Variants in ZFPM2 observed in about 807,000 individuals in gnomAD.
ZFPM2 encodes the protein zinc finger protein ZFPM2.
Under a neutral mutation model 98.6 loss-of-function variants are expected in ZFPM2, and 20 were observed. The ratio of observed to expected loss-of-function variants is 0.20; its 90% CI spans 0.14 to 0.29. The LOEUF is 0.29. Among genes scored for constraint, ZFPM2 ranks in the 10% least tolerant of loss-of-function variants. The pLI is 1.00. For missense variants in ZFPM2, 1,310 were observed against 1,388.6 expected (o/e 0.94, Z 0.90); for synonymous variants, 518 against 502.7 (o/e 1.03, Z -0.41).
intron 5 of ZFPM2, among the ~76,000 whole-genome samples, chr8:105,716,019 T>A (rs897329473): frequency 2.0e-5 from 3 of 151,964 alleles, no homozygotes; most frequent in Non-Finnish European, 4.4e-5. Context: ...AAGTGCCACA[T>A]TGAAGGACAG....
intron 4 of ZFPM2, among the ~76,000 whole-genome samples, chr8:105,579,162 A>G (rs187652821): frequency 1.3e-5 from 2 of 148,452 alleles, no homozygotes; most frequent in African/African-American, 2.5e-5. Context: ...AAATTCTTGT[A>G]GTAAACTGCA....
intron 5 of ZFPM2, among the ~76,000 whole-genome samples, chr8:105,681,312 T>C (rs1810595086): frequency 6.6e-6 from 1 of 152,150 alleles, no homozygotes; most frequent in South Asian, 2.1e-4. Context: ...CTTACCTCAC[T>C]ACAATCCCAT....
chr8:105,703,664 G>T (rs1811194633), intron 5 of ZFPM2, among the ~76,000 whole-genome samples: 1 of 152,112 alleles, frequency 6.6e-6, no homozygotes, highest in Non-Finnish European at 1.5e-5. Context: ...AACCTGAAAA[G>T]CTGTAGATGT....
At chr8:105,559,607 A>G (rs28385321) in intron 3 of ZFPM2, among the ~76,000 whole-genome samples, 144 of 152,304 alleles carry the variant, frequency 9.5e-4, no homozygotes, top group African/African-American at 3.2e-3. Flanking sequence ...CCATGGACAC[A>G]ATTTAACCAC....
chr8:105,646,633 C>T (rs1817053523), intron 5 of ZFPM2, among the ~76,000 whole-genome samples: 1 of 152,094 alleles, frequency 6.6e-6, no homozygotes. Context: ...TGCATAGAAT[C>T]ATAGGCTGAT....
intron 4 of ZFPM2, among the ~76,000 whole-genome samples, chr8:105,566,505 T>A (rs186823003): frequency 0.01 from 1,580 of 152,292 alleles, 5 homozygotes; most frequent in Non-Finnish European, 0.016. Context: ...TATGTTTATA[T>A]GTTGTACCTT....
intron 3 of ZFPM2, among the ~76,000 whole-genome samples, chr8:105,544,917 C>T (rs1194600244): frequency 2.0e-5 from 3 of 152,108 alleles, no homozygotes. Flanking sequence ...ATGGTAAATA[C>T]ATTCATTGTG....
rs368390187 is a variant in ZFPM2 at position 105,803,389 on chromosome 8, A to G, written c.3307A>G (p.Ser1103Gly). ...GIPSAEEQLS[S>G]IAKGVNGSSQ... Reference sequence around the variant, plus strand: ...TCCCTCAGCAGAGGAACAGTTGTCTAGTATAGCAAAAGGTGTGAATGGTTC... The same window carrying G: ...TCCCTCAGCAGAGGAACAGTTGTCTGGTATAGCAAAAGGTGTGAATGGTTC... The change falls in exon 8 of 8, where the codon AGT becomes GGT. Residue 1103 changes from serine to glycine, a missense_variant. Physicochemically the swap from Ser to Gly is moderately conservative, Grantham distance 56. Coordinates refer to ENST00000407775, the MANE Select transcript of ZFPM2 (RefSeq NM_012082.4). The G allele has an allele frequency of 6.2e-7, 1 of 1,613,768 alleles. No individual in the cohort carries two copies. The highest frequency in any genetic ancestry group is 1.3e-5 in the African/African-American group (1 of 74,944).
intron 5 of ZFPM2, among the ~76,000 whole-genome samples, chr8:105,646,953 G>A (rs1430850759): frequency 6.6e-6 from 1 of 152,140 alleles, no homozygotes; most frequent in Non-Finnish European, 1.5e-5. Context: ...CCTAACAGTG[G>A]GAAAGGGATG....
At chr8:105,404,756 G>A (rs1294977519) in intron 1 of ZFPM2, among the ~76,000 whole-genome samples, 4 of 151,952 alleles carry the variant, frequency 2.6e-5, no homozygotes, top group African/African-American at 7.3e-5. Flanking sequence ...TGGAATCCTG[G>A]TAGATTTCTT....
chr8:105,723,522 A>G (rs1811721768), intron 5 of ZFPM2, among the ~76,000 whole-genome samples: 1 of 151,906 alleles, frequency 6.6e-6, no homozygotes, highest in African/African-American at 2.4e-5. Flanking sequence ...ATTGTTCAAT[A>G]TCAAAATAAC....
At chr8:105,545,583 G>T (rs1438973133) in intron 3 of ZFPM2, among the ~76,000 whole-genome samples, 3 of 152,222 alleles carry the variant, frequency 2.0e-5, no homozygotes, top group South Asian at 2.1e-4. Context: ...AGATGCTTTT[G>T]CTTCCATTTT....
At chr8:105,639,953 A>G (rs937341993) in intron 5 of ZFPM2, among the ~76,000 whole-genome samples, 1 of 152,086 alleles carries the variant, frequency 6.6e-6, no homozygotes, top group Admixed American at 6.6e-5. Context: ...CTTATATACA[A>G]TGCTAGTATA....
chr8:105,659,531 A>T (rs1817349031), intron 5 of ZFPM2, among the ~76,000 whole-genome samples: 1 of 152,240 alleles, frequency 6.6e-6, no homozygotes, highest in African/African-American at 2.4e-5. Flanking sequence ...TTACCATAAA[A>T]GTGAGAGGGG....
chr8:105,555,345 G>A (rs939299120), intron 3 of ZFPM2, among the ~76,000 whole-genome samples: 4 of 151,894 alleles, frequency 2.6e-5, no homozygotes, highest in East Asian at 3.9e-4. Flanking sequence ...ATCCCACTCC[G>A]TATTCTATAG....
chr8:105,400,181 A>G (rs1172066873), intron 1 of ZFPM2, among the ~76,000 whole-genome samples: 1 of 152,118 alleles, frequency 6.6e-6, no homozygotes, highest in Non-Finnish European at 1.5e-5. Flanking sequence ...AGTTTGATTA[A>G]TAACCAATTT....
intron 1 of ZFPM2, among the ~76,000 whole-genome samples, chr8:105,351,187 G>GA (rs895161749): frequency 9.2e-5 from 13 of 141,880 alleles, no homozygotes; most frequent in East Asian, 2.2e-4. Flanking sequence ...AAAAAAAAAA[G>GA]AAAAAAAAGA....
intron 1 of ZFPM2, among the ~76,000 whole-genome samples, chr8:105,413,243 C>T (rs1412225227): frequency 6.6e-6 from 1 of 151,790 alleles, no homozygotes; most frequent in Non-Finnish European, 1.5e-5. Flanking sequence ...ATTTTAGTGT[C>T]AGTCCACTCC....
At chr8:105,575,955 G>C (rs1815456393) in intron 4 of ZFPM2, among the ~76,000 whole-genome samples, 1 of 152,112 alleles carries the variant, frequency 6.6e-6, no homozygotes, top group African/African-American at 2.4e-5. Context: ...TTTTTGAAAG[G>C]GGAATAAGTG....
Sources: allele counts gnomAD v4.1 joint callset (sites outside exome capture counted in the v4.1 genomes callset), GRCh38; gene constraint gnomAD v4.1.1; transcripts MANE v1.5; gene names NCBI Gene and HGNC (gene_info 2026-07-23, HGNC 2026-07-21).